The following DOCK8 variants were observed in gnomAD, a reference collection of about 807,000 sequenced individuals.
The protein encoded by DOCK8 is dedicator of cytokinesis 8.
A neutral mutation model predicts 245.6 loss-of-function variants in DOCK8; 141 were observed. That is an observed-to-expected ratio of 0.57 (90% CI 0.50 to 0.66). DOCK8 has a LOEUF of 0.66. Ranked by LOEUF, DOCK8 falls within the 30% of genes least tolerant of loss-of-function variation. The pLI is 0.00. For synonymous variants in DOCK8, 1,168 were observed against 970.2 expected (o/e 1.20, Z -3.79); for missense variants, 2,965 against 2,603.4 (o/e 1.14, Z -3.02).
At chr9:393,320 A>T (rs1253000081) in intron 24 of DOCK8, among the ~76,000 whole-genome samples, 4 of 96,958 alleles carry the variant, frequency 4.1e-5, no homozygotes, top group African/African-American at 1.4e-4. Context: ...TAGTTGGCAT[A>T]CCAATAGTTG....
chr9:342,461 G>GT (rs1469437415), intron 14 of DOCK8, among the ~76,000 whole-genome samples: 6 of 34,164 alleles, frequency 1.8e-4, no homozygotes, highest in Admixed American at 1.6e-3. Flanking sequence ...TTTTTTTGGG[G>GT]TTTTTTTCGT....
At chr9:264,250 T>C (rs775591928) in intron 1 of DOCK8, among the ~76,000 whole-genome samples, 3 of 152,248 alleles carry the variant, frequency 2.0e-5, no homozygotes, top group Non-Finnish European at 4.4e-5. Flanking sequence ...GAGATGTCTC[T>C]GAAGACAGTG....
At chr9:452,203 A>C in intron 46 of DOCK8, 86 bp downstream of exon 46, 1 of 848,484 alleles carries the variant, frequency 1.2e-6, no homozygotes, top group Non-Finnish European at 1.9e-6. Context: ...ATCACCTGAG[A>C]ACTTGCTAGA....
At position 371,504 on chromosome 9, in the gene DOCK8, T is replaced by C. The variant is rs761552772; in HGVS notation, c.1945T>C (p.Phe649Leu). Residue 649 changes from phenylalanine to leucine, a missense_variant, in exon 17 of 48, where the codon TTC becomes CTC. By Grantham distance (22) the Phe-to-Leu change is conservative. Coordinates refer to ENST00000432829, the MANE Select transcript of DOCK8 (RefSeq NM_203447.4). ...AGTAAATCACCACCTCCTGTTCACC[T>C]TCTACCATATCAGCTGTCAGCAGAA... ...LTVNHHLLFT[F>L]YHISCQQKQG... 1.9e-6 allele frequency: 3 copies of C among 1,614,114 alleles called. No homozygotes were observed. The highest frequency in any genetic ancestry group is 1.3e-5 in the African/African-American group (1 of 74,956).
intron 1 of DOCK8, among the ~76,000 whole-genome samples, chr9:269,204 T>C (rs2048100678): frequency 6.6e-6 from 1 of 152,200 alleles, no homozygotes; most frequent in African/African-American, 2.4e-5. Flanking sequence ...TAGCAGCCAC[T>C]CTCCATTTCT....
chr9:223,844 C>G (rs2046934153), intron 1 of DOCK8, among the ~76,000 whole-genome samples: 2 of 151,900 alleles, frequency 1.3e-5, no homozygotes, highest in African/African-American at 4.8e-5. Flanking sequence ...CATTTCTGTT[C>G]TCCCTGCTGC....
chr9:403,958 A>ATGTATATATATATATATG lies in DOCK8; in HGVS notation c.3235-944_3235-927dup. 2.6e-5 allele frequency among the ~76,000 whole-genome samples: 2 copies of ATGTATATATATATATATG among 75,630 alleles called. 1 individual carries two copies. The highest frequency in any genetic ancestry group is 7.9e-4 in the East Asian group (2 of 2,528). 49.6% of individuals were successfully genotyped at this position (75,630 alleles called of 152,430 possible). On this transcript the variant is annotated intron_variant, in intron 26 of 47. Transcript: ENST00000432829. ...TATATATATATGTGTATATATATAT[A>ATGTATATATATATATATG]TGTATATATATATATATGTGTATAT... is the stretch of plus-strand genomic sequence containing the variant.
chr9:461,580 C>T (rs1315846861), intron 46 of DOCK8, among the ~76,000 whole-genome samples: 1 of 118,200 alleles, frequency 8.5e-6, no homozygotes, highest in Non-Finnish European at 1.6e-5. Context: ...CTGGTTCTGT[C>T]ACCCAGGCTG....
At chr9:327,639 TGCCC>T (rs2130822520) in intron 8 of DOCK8, among the ~76,000 whole-genome samples, 1 of 152,254 alleles carries the variant, frequency 6.6e-6, no homozygotes, top group East Asian at 1.9e-4. Context: ...TCAAGCAATG[TGCCC>T]GCCTTGGCCT....
intron 6 of DOCK8, chr9:312,845 T>TTAATGATACG: frequency 5.6e-6 from 1 of 179,322 alleles, no homozygotes; most frequent in South Asian, 1.2e-4. Context: ...CTCTCAGTTT[T>TTAATGATACG]CCCCTCTGCG....
At chr9:262,489 T>C (rs2047940765) in intron 1 of DOCK8, among the ~76,000 whole-genome samples, 1 of 85,674 alleles carries the variant, frequency 1.2e-5, no homozygotes, top group Admixed American at 1.3e-4. Flanking sequence ...AATACTCCTC[T>C]ATAATAAAAG....
At chr9:231,099 C>A (rs927924213) in intron 1 of DOCK8, among the ~76,000 whole-genome samples, 1 of 152,130 alleles carries the variant, frequency 6.6e-6, no homozygotes, top group Non-Finnish European at 1.5e-5. Flanking sequence ...GGAAGGGATC[C>A]AGTTTCAGCT....
intron 1 of DOCK8, among the ~76,000 whole-genome samples, chr9:259,400 G>C (rs2047863633): frequency 6.6e-6 from 1 of 152,150 alleles, no homozygotes; most frequent in Non-Finnish European, 1.5e-5. Flanking sequence ...AAACATGGAA[G>C]GTTTTCAAAT....
intron 1 of DOCK8, among the ~76,000 whole-genome samples, chr9:242,310 T>A (rs2047392342): frequency 6.6e-6 from 1 of 152,122 alleles, no homozygotes; most frequent in African/African-American, 2.4e-5. Context: ...TGACTGTGAC[T>A]TTTTTCAAGA....
chr9:223,067 T>G (rs1193468053), intron 1 of DOCK8, among the ~76,000 whole-genome samples: 1 of 152,160 alleles, frequency 6.6e-6, no homozygotes, highest in Non-Finnish European at 1.5e-5. Flanking sequence ...CCTCTAGAAT[T>G]GGTTTCTGGG....
chr9:343,686 G>T (rs2051722928), intron 14 of DOCK8, among the ~76,000 whole-genome samples: 1 of 152,136 alleles, frequency 6.6e-6, no homozygotes, highest in Non-Finnish European at 1.5e-5. Flanking sequence ...TCCTAGAGGA[G>T]ATAAGCATTC....
chr9:228,102 A>G (rs2047028206), intron 1 of DOCK8, among the ~76,000 whole-genome samples: 1 of 152,140 alleles, frequency 6.6e-6, no homozygotes, highest in African/African-American at 2.4e-5. Flanking sequence ...AAGCTGGTGG[A>G]GGCCACTCCT....
Position 336,107 on chromosome 9 carries a change from T to C in DOCK8, c.1286-475T>C, listed in dbSNP as rs187514651. The stretch of plus-strand genomic sequence containing the variant: ...CAGTCTTGCTGCCTGGTCCACATAA[T>C]GAGAGCAGAGGAATGCTGGGATTCA... On this transcript the variant is annotated intron_variant, in intron 11 of 47. Coordinates refer to ENST00000432829, the MANE Select transcript of DOCK8 (RefSeq NM_203447.4). Among the ~76,000 whole-genome samples, 159 of 152,270 alleles carry C rather than the reference T, an allele frequency of 1.0e-3. 1 individual carries two copies. Among genetic ancestry groups the C allele is most frequent in the Middle Eastern group, 6.8e-3 (2 of 294 alleles).
At chr9:420,843 A>G (rs867465241) in intron 31 of DOCK8, 106 bp from the exon 32 acceptor site, 60 of 1,481,676 alleles carry the variant, frequency 4.0e-5, no homozygotes, top group South Asian at 3.3e-4. Flanking sequence ...AGTGAAGCAC[A>G]TGTCAAACTT....
Sources: allele counts gnomAD v4.1 joint callset (sites outside exome capture counted in the v4.1 genomes callset), GRCh38; gene constraint gnomAD v4.1.1; transcripts MANE v1.5; gene names NCBI Gene and HGNC (gene_info 2026-07-23, HGNC 2026-07-21).